Variants in RUFY1 observed in about 807,000 individuals in gnomAD.
The protein encoded by RUFY1 is RUN and FYVE domain-containing protein 1.
A neutral mutation model predicts 94.6 loss-of-function variants in RUFY1; 54 were observed. That is an observed-to-expected ratio of 0.57 (90% CI 0.46 to 0.72). RUFY1 has a LOEUF of 0.72. Among genes scored for constraint, RUFY1 ranks in the 30% least tolerant of loss-of-function variants. The pLI is 0.00. For synonymous variants in RUFY1, 396 were observed against 347.3 expected (o/e 1.14, Z -1.56); for missense variants, 883 against 883.9 (o/e 1.00, Z 0.01).
intron 2 of RUFY1, among the ~76,000 whole-genome samples, chr5:179,560,512 T>G (rs1365490552): frequency 2.9e-4 from 44 of 150,198 alleles, no homozygotes; most frequent in South Asian, 1.5e-3. Context: ...GAGGTCAGGA[T>G]ATCGAGACCA....
intron 2 of RUFY1, among the ~76,000 whole-genome samples, chr5:179,561,776 A>G (rs530295791): frequency 5.1e-4 from 67 of 130,104 alleles, no homozygotes; most frequent in African/African-American, 1.9e-3. Context: ...TCCTCCTCCC[A>G]GGTTCACGCC....
intron 8 of RUFY1, among the ~76,000 whole-genome samples, chr5:179,588,278 C>T (rs749226409): frequency 2.0e-5 from 3 of 152,128 alleles, no homozygotes; most frequent in Non-Finnish European, 4.4e-5. Context: ...CTTCGAGGTC[C>T]CTCCACTAGT....
intron 14 of RUFY1, chr5:179,599,200 G>T: frequency 5.6e-6 from 1 of 178,586 alleles, no homozygotes; most frequent in Non-Finnish European, 1.2e-5. Flanking sequence ...GCGGCCTCAG[G>T]CGGCAGGCAG....
intron 15 of RUFY1, chr5:179,602,330 A>G: frequency 4.3e-6 from 1 of 235,078 alleles, no homozygotes; most frequent in East Asian, 8.9e-5. Context: ...CAGAGGGAGC[A>G]GGGCTGGTTT....
intron 14 of RUFY1, among the ~76,000 whole-genome samples, chr5:179,601,444 T>C (rs949425569): frequency 5.9e-5 from 9 of 152,022 alleles, no homozygotes; most frequent in Non-Finnish European, 1.2e-4. Flanking sequence ...GCTGGAAGTA[T>C]AGGCATAAGC....
At position 179,596,554 on chromosome 5, in the gene RUFY1, G is replaced by C; in HGVS notation, c.1512-8G>C. 1.2e-6 allele frequency: 2 copies of C among 1,613,664 alleles called. No homozygotes were observed. Among genetic ancestry groups the C allele is most frequent in the Non-Finnish European group, 1.7e-6 (2 of 1,179,964 alleles). On this transcript the variant is annotated splice_region_variant and splice_polypyrimidine_tract_variant and intron_variant, in intron 12 of 17. Coordinates refer to ENST00000319449, the MANE Select transcript of RUFY1 (RefSeq NM_025158.5). ...CTTCATTTGCACTCTTGCTGGTGTC[G>C]CATCCAGGTTGCAGCACTCGGAGCG... is the stretch of plus-strand genomic sequence containing the variant.
chr5:179,604,016 C>T (rs1766746672), intron 15 of RUFY1, among the ~76,000 whole-genome samples: 1 of 152,232 alleles, frequency 6.6e-6, no homozygotes, highest in Non-Finnish European at 1.5e-5. Flanking sequence ...GAGATCGCGC[C>T]ATTGCACTCC....
At chr5:179,592,027 A>G (rs1013056646) in intron 10 of RUFY1, among the ~76,000 whole-genome samples, 7 of 151,140 alleles carry the variant, frequency 4.6e-5, no homozygotes, top group Admixed American at 4.6e-4. Flanking sequence ...CCCACTGCAA[A>G]CTCTGCCTCC....
At chr5:179,592,879 CA>C (rs1765230821) in intron 10 of RUFY1, among the ~76,000 whole-genome samples, 1 of 152,180 alleles carries the variant, frequency 6.6e-6, no homozygotes, top group African/African-American at 2.4e-5. Flanking sequence ...TCTTTGAAAA[CA>C]TGCATTCTGA....
intron 2 of RUFY1, among the ~76,000 whole-genome samples, chr5:179,561,997 T>C (rs1762496420): frequency 6.6e-6 from 1 of 151,564 alleles, no homozygotes; most frequent in Admixed American, 6.6e-5. Context: ...GCGCCTGTTT[T>C]ATTCTATGGG....
At chr5:179,605,492 G>T (rs375353952) in intron 15 of RUFY1, among the ~76,000 whole-genome samples, 1 of 152,178 alleles carries the variant, frequency 6.6e-6, no homozygotes, top group Non-Finnish European at 1.5e-5. Flanking sequence ...AATGGAGGCC[G>T]GGGAGAAGCC....
At chr5:179,583,229 G>A (rs1764299914) in intron 7 of RUFY1, among the ~76,000 whole-genome samples, 1 of 151,596 alleles carries the variant, frequency 6.6e-6, no homozygotes, top group African/African-American at 2.4e-5. Context: ...GAACCTGGGA[G>A]GCAGAGGTTG....
At chr5:179,598,912 T>TGTGTGGGGGCCAGGCGGCTCCAGG (rs1765989970) in intron 14 of RUFY1, 91 bp downstream of exon 14, 2 of 1,449,638 alleles carry the variant, frequency 1.4e-6, no homozygotes, top group Admixed American at 4.0e-5. Flanking sequence ...CCGCACCCTT[T>TGTGTGGGGGCCAGGCGGCTCCAGG]GTGTGGGGGC....
chr5:179,585,583 T>TA (rs955532486), intron 7 of RUFY1, among the ~76,000 whole-genome samples: 4 of 151,948 alleles, frequency 2.6e-5, no homozygotes, highest in African/African-American at 9.7e-5. Context: ...TGCCTCAAAA[T>TA]AAAAAAAGAA....
intron 5 of RUFY1, among the ~76,000 whole-genome samples, chr5:179,570,620 G>A (rs888257865): frequency 6.6e-6 from 1 of 152,128 alleles, no homozygotes; most frequent in Non-Finnish European, 1.5e-5. Context: ...CCTCTTCGGG[G>A]CATCCGCAGC....
At chr5:179,573,513 G>C (rs1763379764) in intron 5 of RUFY1, among the ~76,000 whole-genome samples, 1 of 151,936 alleles carries the variant, frequency 6.6e-6, no homozygotes, top group Non-Finnish European at 1.5e-5. Context: ...TTTTGTTGTT[G>C]TTGTCGTTTT....
At chr5:179,566,624 C>T (rs910478866) in intron 3 of RUFY1, among the ~76,000 whole-genome samples, 7 of 98,788 alleles carry the variant, frequency 7.1e-5, no homozygotes, top group Admixed American at 6.7e-4. Context: ...GGCTCCATCT[C>T]GAAAAAAAAA....
At chr5:179,575,800 T>G (rs183390015) in intron 5 of RUFY1, among the ~76,000 whole-genome samples, 1 of 152,220 alleles carries the variant, frequency 6.6e-6, no homozygotes, top group African/African-American at 2.4e-5. Flanking sequence ...TTGTTTTGTT[T>G]TGGCAGTGTC....
chr5:179,593,595 C>T lies in RUFY1; in HGVS notation c.1363C>T (p.Gln455Ter). 6.2e-7 allele frequency: 1 copy of T among 1,614,174 alleles called. No individual in the cohort carries two copies. The highest frequency in any genetic ancestry group is 1.3e-5 in the African/African-American group (1 of 75,054). ...GGACACACTAGTTGCCCTCCGCCAG[C>T]AGCTGGAAGAAGTCAAAGCGATTAA... ...KQDTLVALRQ[Q>*]LEEVKAINLQ... Residue 455 changes from glutamine to a stop codon, truncating the protein, a stop_gained, in exon 11 of 18, where the codon CAG (glutamine) becomes TAG (stop). Transcript: ENST00000319449. LOFTEE classifies it high-confidence loss of function.
Sources: allele counts gnomAD v4.1 joint callset (sites outside exome capture counted in the v4.1 genomes callset), GRCh38; gene constraint gnomAD v4.1.1; transcripts MANE v1.5; gene names NCBI Gene and HGNC (gene_info 2026-07-23, HGNC 2026-07-21).